The following BEAN1 variants were observed in gnomAD, a reference collection of about 807,000 sequenced individuals.
BEAN1 encodes the protein brain expressed associated with NEDD4 1.
BEAN1 carries 17 observed loss-of-function variants against 17.7 expected under a neutral mutation model. That is an observed-to-expected ratio of 0.96 (90% CI 0.66 to 1.44). The LOEUF is 1.44. Among genes scored for constraint, BEAN1 ranks in the 40% most tolerant of loss-of-function variants. The probability of loss-of-function intolerance (pLI) is 0.00; values close to 1 mark genes in which losing one functional copy is unlikely to be tolerated. For missense variants in BEAN1, 359 were observed against 374.1 expected, an observed-to-expected ratio of 0.96 and a Z score of 0.33; for synonymous variants, 142 against 151.8, an observed-to-expected ratio of 0.94 and a Z score of 0.47.
chr16:66,493,588 G>C, downstream of BEAN1: 3 of 553,524 alleles, frequency 5.4e-6, no homozygotes, highest in Non-Finnish European at 6.4e-6. Flanking sequence ...GCCCAGCCCT[G>C]GCCCCTGGCC....
chr16:66,482,865 T>C (rs1265273410), downstream of BEAN1: 1 of 456,038 alleles, frequency 2.2e-6, no homozygotes, highest in Non-Finnish European at 4.4e-6. Flanking sequence ...TTTTCTTTTC[T>C]TTTTTTCTTC....
At chr16:66,472,475 G>A (rs1047973842) in intron 3 of BEAN1, among the ~76,000 whole-genome samples, 2 of 152,234 alleles carry the variant, frequency 1.3e-5, no homozygotes, top group African/African-American at 4.8e-5. Context: ...AGGCTGAGGC[G>A]GACGGATCAT....
chr16:66,460,395 T>C (rs1350919128), intron 2 of BEAN1, among the ~76,000 whole-genome samples: 2 of 152,214 alleles, frequency 1.3e-5, no homozygotes, highest in Non-Finnish European at 2.9e-5. Flanking sequence ...ATCTTATCTT[T>C]ATCATTGTTC....
chr16:66,432,710 ACTC>A (rs1056291100), intron 1 of BEAN1, among the ~76,000 whole-genome samples: 6 of 151,494 alleles, frequency 4.0e-5, no homozygotes, highest in Non-Finnish European at 8.8e-5. Flanking sequence ...ATCACCTTAC[ACTC>A]CTCCTTCTTC....
chr16:66,474,598 G>GAGGAAGGA (rs1963636918), intron 3 of BEAN1, among the ~76,000 whole-genome samples: 1 of 18,470 alleles, frequency 5.4e-5, no homozygotes, highest in Non-Finnish European at 1.2e-4. Context: ...GGGAGGGAGG[G>GAGGAAGGA]AGGGAGAGAG....
At position 66,466,343 on chromosome 16, in the gene BEAN1, T is replaced by A. The variant is rs188455502; in HGVS notation, c.26-3259T>A. 1.6e-3 allele frequency among the ~76,000 whole-genome samples: 242 copies of A among 152,316 alleles called. 3 individuals are homozygous for A. In the Middle Eastern group the frequency reaches 0.045, roughly 28 times the overall value. On this transcript the variant is annotated intron_variant, in intron 2 of 4. Coordinates refer to ENST00000536005, the MANE Select transcript of BEAN1 (RefSeq NM_001178020.3). Reference sequence around the variant, plus strand: ...CACTTCTGGTTTTATTGGCTTTCTCTATTGTTTTTCTATTCTTTATTTCAC... The same window carrying A: ...CACTTCTGGTTTTATTGGCTTTCTCAATTGTTTTTCTATTCTTTATTTCAC...
At chr16:66,441,390 C>A (rs1234323272) in intron 2 of BEAN1, among the ~76,000 whole-genome samples, 3 of 152,172 alleles carry the variant, frequency 2.0e-5, no homozygotes, top group African/African-American at 7.2e-5. Flanking sequence ...TGGACACACA[C>A]CCCTGTTTTT....
downstream of BEAN1, among the ~76,000 whole-genome samples, chr16:66,494,884 T>C (rs149027821): frequency 1.0e-3 from 157 of 152,320 alleles, no homozygotes; most frequent in African/African-American, 3.7e-3. Flanking sequence ...TCATTCCTCA[T>C]TGGGATCCCA....
intron 3 of BEAN1, among the ~76,000 whole-genome samples, chr16:66,474,284 T>C (rs1216637169): frequency 6.6e-6 from 1 of 151,892 alleles, no homozygotes; most frequent in East Asian, 1.9e-4. Flanking sequence ...TCATCATCTC[T>C]TTCTCCAAGA....
downstream of BEAN1, chr16:66,485,309 T>C (rs757905890): frequency 1.1e-4 from 40 of 361,016 alleles, no homozygotes; most frequent in Non-Finnish European, 2.1e-4. Context: ...GCACACACAC[T>C]AGTGCCCTTC....
At chr16:66,452,889 C>T (rs537962804) in intron 2 of BEAN1, among the ~76,000 whole-genome samples, 1 of 152,206 alleles carries the variant, frequency 6.6e-6, no homozygotes, top group African/African-American at 2.4e-5. Context: ...TCTATGGAGT[C>T]AGAACCAGGT....
downstream of BEAN1, among the ~76,000 whole-genome samples, chr16:66,486,734 G>A (rs1306803879): frequency 6.6e-6 from 1 of 152,202 alleles, no homozygotes; most frequent in Non-Finnish European, 1.5e-5. Context: ...TGGGAGGACT[G>A]GAGACACACA....
chr16:66,490,437 AAT>A (rs1438247441), intron 4 of BEAN1, among the ~76,000 whole-genome samples: 1 of 141,914 alleles, frequency 7.0e-6, no homozygotes, highest in Non-Finnish European at 1.5e-5. Context: ...AATAAAATAA[AAT>A]AAAATAAAAT....
rs137977525 is a variant in BEAN1 at position 66,478,832 on chromosome 16, C to T, written c.440+1122C>T. Among the ~76,000 whole-genome samples, 64 of 152,114 alleles carry T rather than the reference C, an allele frequency of 4.2e-4. 1 individual carries two copies. The East Asian group carries it at 4.7e-3, about 11-fold the overall frequency. On this transcript the variant is annotated intron_variant, in intron 4 of 4. Coordinates refer to ENST00000536005, the MANE Select transcript of BEAN1 (RefSeq NM_001178020.3). Reference sequence around the variant, plus strand: ...CGGCCTTTGTCAAGGGTGTGTGGTGCTTGGGTTGGGAGGAACTGGGACCTT... The same window carrying T: ...CGGCCTTTGTCAAGGGTGTGTGGTGTTTGGGTTGGGAGGAACTGGGACCTT...
chr16:66,446,547 G>A (rs1163066152), intron 2 of BEAN1, among the ~76,000 whole-genome samples: 1 of 152,152 alleles, frequency 6.6e-6, no homozygotes, highest in Non-Finnish European at 1.5e-5. Context: ...GTTCAGAGAA[G>A]AGTCTGGAGC....
At chr16:66,454,717 TTTTC>T (rs1304469616) in intron 2 of BEAN1, among the ~76,000 whole-genome samples, 24 of 149,628 alleles carry the variant, frequency 1.6e-4, no homozygotes, top group Middle Eastern at 6.8e-3. Flanking sequence ...TACATCTTCC[TTTTC>T]TTTCTTTCTT....
downstream of BEAN1, among the ~76,000 whole-genome samples, chr16:66,487,768 G>C (rs780157320): frequency 1.2e-4 from 19 of 152,228 alleles, no homozygotes; most frequent in Non-Finnish European, 2.5e-4. Flanking sequence ...CTTGAACCAG[G>C]CCTCAGGACC....
At position 66,457,001 on chromosome 16, in the gene BEAN1, G is replaced by A. The variant is rs552181414; in HGVS notation, c.26-12601G>A. On this transcript the variant is annotated intron_variant, in intron 2 of 4. Coordinates refer to ENST00000536005, the MANE Select transcript of BEAN1 (RefSeq NM_001178020.3). ...ATGGTTGAAAAGCTTCTATTTGGCA[G>A]TAAAGTGCTCTCCTGTTCACTCTGA... Among the ~76,000 whole-genome samples the A allele has an allele frequency of 9.2e-4, 140 of 152,220 alleles. 1 individual carries two copies. The highest frequency in any genetic ancestry group is 1.8e-3 in the Non-Finnish European group (122 of 68,038).
chr16:66,477,274 A>G (rs929827542), intron 3 of BEAN1, among the ~76,000 whole-genome samples: 17 of 152,090 alleles, frequency 1.1e-4, no homozygotes, highest in African/African-American at 4.1e-4. Context: ...AAAGCTCATG[A>G]CACACTGCCT....
Sources: allele counts gnomAD v4.1 joint callset (sites outside exome capture counted in the v4.1 genomes callset), GRCh38; gene constraint gnomAD v4.1.1; transcripts MANE v1.5; gene names NCBI Gene and HGNC (gene_info 2026-07-23, HGNC 2026-07-21).